TARS1: variants seen among roughly 807,000 people sequenced by gnomAD.
TARS1 encodes threonyl-tRNA synthetase 1.
A neutral mutation model predicts 97.7 loss-of-function variants in TARS1; 57 were observed. That is an observed-to-expected ratio of 0.58 (90% CI 0.47 to 0.73). The LOEUF is 0.73. TARS1 is among the 30% of genes least tolerant of loss of function. The probability of loss-of-function intolerance (pLI) is 0.00; values close to 1 mark genes in which losing one functional copy is unlikely to be tolerated. For missense variants in TARS1, 806 were observed against 888.3 expected, an observed-to-expected ratio of 0.91 and a Z score of 1.18; for synonymous variants, 312 against 293.7, an observed-to-expected ratio of 1.06 and a Z score of -0.64.
chr5:33,444,479 T>C (rs1373218226), intron 1 of TARS1, among the ~76,000 whole-genome samples: 1 of 152,260 alleles, frequency 6.6e-6, no homozygotes, highest in African/African-American at 2.4e-5. Context: ...CCTGTTTACA[T>C]TCCTGGCACA....
At chr5:33,453,191 CAATATATAATAAA>C in intron 3 of TARS1, 85 bp from the exon 4 acceptor site, 1 of 1,260,234 alleles carries the variant, frequency 7.9e-7, no homozygotes, top group Non-Finnish European at 1.0e-6. Context: ...TATAAAAAAA[CAATATATAATAAA>C]AATAGTGTTT....
Position 33,455,093 on chromosome 5 carries a change from C to A in TARS1, c.575+27C>A, listed in dbSNP as rs754220110. On this transcript the variant is annotated intron_variant, in intron 5 of 18. Coordinates refer to ENST00000265112, the MANE Select transcript of TARS1 (RefSeq NM_152295.5). ...TAAGCCATCAACTAGATAAAGAAAA[C>A]TGAAGTCAATGACTATGGATCCATA... The A allele has an allele frequency of 3.1e-6, 5 of 1,611,774 alleles. No individual in the cohort carries two copies. In the South Asian group the frequency reaches 5.5e-5, roughly 18 times the overall value.
intron 18 of TARS1, 98 bp from the exon 19 acceptor site, chr5:33,467,462 A>G: frequency 7.6e-7 from 1 of 1,308,148 alleles, no homozygotes; most frequent in Non-Finnish European, 1.0e-6. Flanking sequence ...GCTATGGGGT[A>G]GGTTTTGGGT....
At chr5:33,467,315 T>C (rs1245043930) in intron 18 of TARS1, among the ~76,000 whole-genome samples, 1 of 152,176 alleles carries the variant, frequency 6.6e-6, no homozygotes, top group African/African-American at 2.4e-5. Flanking sequence ...AAAAAAGATA[T>C]TCATGATGTT....
chr5:33,462,006 G>A lies in TARS1; in HGVS notation c.1730G>A (p.Ser577Asn). The A allele has an allele frequency of 6.2e-7, 1 of 1,613,552 alleles. No homozygotes were observed. The highest frequency in any genetic ancestry group is 1.7e-5 in the Admixed American group (1 of 60,006). The part of the protein sequence containing the change: ...LPIRFNLTYV[S>N]HDGDDKKRPV... ...ATCAGATTTAATCTTACTTATGTAAGGTGAGTTTCTGGTGTCTGCTCTGAA... is the reference window on the plus strand; with the variant it reads ...ATCAGATTTAATCTTACTTATGTAAAGTGAGTTTCTGGTGTCTGCTCTGAA... The change falls in exon 15 of 19, where the codon AGC becomes AAC. Residue 577 changes from serine to asparagine, a missense_variant and splice_region_variant. Physicochemically the swap from Ser to Asn is conservative, Grantham distance 46 (BLOSUM62 1). Transcript: ENST00000265112.
rs750573851 is a variant in TARS1, at chr5:33,455,633, A to G, written c.622A>G (p.Lys208Glu). 6.2e-7 allele frequency: 1 copy of G among 1,613,100 alleles called. No individual in the cohort carries two copies. The highest frequency in any genetic ancestry group is 1.7e-4 in the Middle Eastern group (1 of 6,058). The part of the protein sequence containing the change: ...DFSSLEALCK[K>E]IIKEKQAFER... The stretch of plus-strand genomic sequence containing the variant: ...CTCTTCTCTGGAGGCTTTGTGTAAG[A>G]AAATCATTAAAGAAAAACAAGCTTT... Residue 208 changes from lysine (K) to glutamate (E), a missense_variant, in exon 6 of 19, where the codon AAA becomes GAA. Lys to Glu is a moderately conservative substitution (Grantham distance 56). Coordinates refer to ENST00000265112, the MANE Select transcript of TARS1 (RefSeq NM_152295.5).
chr5:33,455,929 C>T (rs1460546685), intron 6 of TARS1, 73 bp from the exon 7 acceptor site: 6 of 1,319,026 alleles, frequency 4.5e-6, no homozygotes, highest in African/African-American at 1.5e-5. Flanking sequence ...TACAGTGCTA[C>T]GTTTTAGCTA....
At chr5:33,441,295 G>C in intron 1 of TARS1, 152 bp downstream of exon 1, 2 of 853,168 alleles carry the variant, frequency 2.3e-6, no homozygotes, top group South Asian at 1.6e-5. Flanking sequence ...TGGAAAGTCG[G>C]AACCCCCTTT....
At chr5:33,451,532 G>A (rs1170863638) in intron 3 of TARS1, among the ~76,000 whole-genome samples, 2 of 151,990 alleles carry the variant, frequency 1.3e-5, no homozygotes, top group East Asian at 1.9e-4. Flanking sequence ...CCGCCACCAC[G>A]CCTGCCTAAT....
At position 33,453,271 on chromosome 5, in the gene TARS1, T is replaced by TTG; in HGVS notation, c.330-17_330-16insGT. On this transcript the variant is annotated splice_polypyrimidine_tract_variant and intron_variant, in intron 3 of 18. Coordinates refer to ENST00000265112, the MANE Select transcript of TARS1 (RefSeq NM_152295.5). Reference sequence around the variant, plus strand: ...ACTTATATATGTGTGGACTTTTTTTTTTTTTTTTTTTTTTAAGTCAAGGCC... The same window carrying TTG: ...ACTTATATATGTGTGGACTTTTTTTTTGTTTTTTTTTTTTTTAAGTCAAGGCC... The TTG allele has an allele frequency of 6.8e-7, 1 of 1,479,678 alleles. No homozygotes were observed. The highest frequency in any genetic ancestry group is 1.4e-5 in the African/African-American group (1 of 69,862). 91.7% of individuals were successfully genotyped at this position (1,479,678 alleles called of 1,614,324 possible).
At chr5:33,446,598 C>T (rs1741431933) in intron 2 of TARS1, 1 of 1,077,216 alleles carries the variant, frequency 9.3e-7, no homozygotes, top group Non-Finnish European at 1.3e-6. Context: ...CTTGGTCTTC[C>T]CCTCCAAGGG....
At chr5:33,448,830 A>G (rs1282406127) in intron 3 of TARS1, 99 bp downstream of exon 3, 10 of 1,009,612 alleles carry the variant, frequency 9.9e-6, no homozygotes, top group Non-Finnish European at 1.2e-5. Context: ...TTTTTATGTT[A>G]CCATTCAGTG....
Position 33,466,859 on chromosome 5 carries a change from CTG to C in TARS1, c.1909-10_1909-9del, listed in dbSNP as rs765652624. 28 of 1,570,986 alleles carry C rather than the reference CTG, an allele frequency of 1.8e-5. No individual in the cohort carries two copies. In the East Asian group the frequency reaches 5.7e-4, roughly 32 times the overall value. On this transcript the variant is annotated splice_polypyrimidine_tract_variant and intron_variant, in intron 17 of 18. Transcript: ENST00000265112. Reference sequence around the variant, plus strand: ...TTTAGATCTGACAAATTCTGTATCTCTGTTACAATAGGTACGACAACAATTCC... The same window carrying C: ...TTTAGATCTGACAAATTCTGTATCTCTTACAATAGGTACGACAACAATTCC...
At chr5:33,467,509 T>A in intron 18 of TARS1, 51 bp from the exon 19 acceptor site, 3 of 1,579,918 alleles carry the variant, frequency 1.9e-6, no homozygotes, top group Non-Finnish European at 2.6e-6. Context: ...CAGTGTGAAT[T>A]CTTCCATATC....
Position 33,456,182 on chromosome 5 carries a change from TC to T in TARS1, c.793del (p.His265MetfsTer11), listed in dbSNP as rs772146164. Reference protein sequence around the residue: ...GPLIDLCRGPHVRHTGKIKAL... With the variant: ...GPLIDLCRGPXVRHTGKIKAL... ...CTTTGATAGATCTCTGCCGGGGTCC[TC>T]ATGTTAGACACACGGGCAAAATTAA... is the stretch of plus-strand genomic sequence containing the variant. On this transcript the variant is annotated frameshift_variant, in exon 8 of 19. Coordinates refer to ENST00000265112, the MANE Select transcript of TARS1 (RefSeq NM_152295.5). LOFTEE classifies it high-confidence loss of function. 1 of 1,614,070 alleles carries T rather than the reference TC, an allele frequency of 6.2e-7. No individual in the cohort carries two copies. The highest frequency in any genetic ancestry group is 8.5e-7 in the Non-Finnish European group (1 of 1,179,962).
chr5:33,464,825 C>A (rs1742455910), intron 17 of TARS1, among the ~76,000 whole-genome samples: 3 of 152,044 alleles, frequency 2.0e-5, no homozygotes, highest in Admixed American at 2.0e-4. Flanking sequence ...CGCCTGTAAT[C>A]CCAGCACTTT....
chr5:33,461,632 TG>T (rs1310050361), intron 13 of TARS1, 34 bp from the exon 14 acceptor site: 1 of 1,587,002 alleles, frequency 6.3e-7, no homozygotes, highest in Non-Finnish European at 8.6e-7. Flanking sequence ...GAAATTGCGA[TG>T]AAAAAAATAA....
chr5:33,444,218 A>G (rs138641632), intron 1 of TARS1, among the ~76,000 whole-genome samples: 56 of 152,344 alleles, frequency 3.7e-4, no homozygotes, highest in African/African-American at 1.2e-3. Context: ...ATCTATAGAA[A>G]CAGAAACTAG....
chr5:33,459,584 A>G, intron 10 of TARS1, 111 bp from the exon 11 acceptor site: 2 of 1,265,508 alleles, frequency 1.6e-6, no homozygotes, highest in Non-Finnish European at 2.2e-6. Flanking sequence ...GAATCATGGC[A>G]TGTGTCCATC....
Sources: gnomAD v4.1 joint callset for allele counts (sites outside exome capture counted in the v4.1 genomes callset) on GRCh38, gnomAD v4.1.1 for gene constraint, MANE v1.5 for transcripts, NCBI Gene and HGNC (gene_info 2026-07-23, HGNC 2026-07-21) for gene names.